The following TRPM3 variants were observed in gnomAD, a reference collection of about 807,000 sequenced individuals.
TRPM3 encodes transient receptor potential cation channel subfamily M member 3.
Under a neutral mutation model 181.2 loss-of-function variants are expected in TRPM3, and 77 were observed. The ratio of observed to expected loss-of-function variants is 0.42; its 90% CI spans 0.35 to 0.51. The LOEUF (loss-of-function observed/expected upper bound fraction) is 0.51. Ranked by LOEUF, TRPM3 falls within the 20% of genes least tolerant of loss-of-function variation. The pLI is 0.01. For synonymous variants in TRPM3, 745 were observed against 796.4 expected (o/e 0.94, Z 1.09); for missense variants, 1,759 against 2,196.7 (o/e 0.80, Z 3.98).
intron 6 of TRPM3, among the ~76,000 whole-genome samples, chr9:70,790,734 A>G (rs1260138695): frequency 6.6e-6 from 1 of 152,184 alleles, no homozygotes; most frequent in African/African-American, 2.4e-5. Flanking sequence ...ATTTATGAAA[A>G]CTACATAAAT....
intron 8 of TRPM3, among the ~76,000 whole-genome samples, chr9:70,742,919 A>G (rs1302517444): frequency 6.6e-6 from 1 of 152,188 alleles, no homozygotes; most frequent in Non-Finnish European, 1.5e-5. Context: ...ATTCTTGACC[A>G]CTATCTTTCC....
intron 11 of TRPM3, among the ~76,000 whole-genome samples, chr9:70,636,557 C>A (rs956158546): frequency 6.6e-6 from 1 of 152,176 alleles, no homozygotes; most frequent in Non-Finnish European, 1.5e-5. Flanking sequence ...CAATTTTAAT[C>A]TAAGTATGTC....
chr9:70,932,339 C>G (rs2096783954), intron 1 of TRPM3, among the ~76,000 whole-genome samples: 1 of 152,038 alleles, frequency 6.6e-6, no homozygotes, highest in African/African-American at 2.4e-5. Flanking sequence ...TGTCCACCTG[C>G]CTGTCTGCCT....
intron 9 of TRPM3, among the ~76,000 whole-genome samples, chr9:70,667,645 T>C (rs573813858): frequency 6.4e-4 from 97 of 152,336 alleles, no homozygotes; most frequent in Middle Eastern, 6.8e-3. Flanking sequence ...AAAAATACAA[T>C]AAATCTTTTA....
intron 1 of TRPM3, among the ~76,000 whole-genome samples, chr9:71,268,107 G>A (rs776674409): frequency 6.6e-6 from 1 of 152,192 alleles, no homozygotes; most frequent in African/African-American, 2.4e-5. Context: ...TGGGCTGGGT[G>A]TGGTGGCTCA....
At chr9:70,929,081 T>C (rs2096749265) in intron 1 of TRPM3, among the ~76,000 whole-genome samples, 1 of 152,208 alleles carries the variant, frequency 6.6e-6, no homozygotes, top group African/African-American at 2.4e-5. Context: ...ATTACCCTGG[T>C]TGTTCTAGCC....
At chr9:71,141,947 T>C (rs2075127312) in intron 1 of TRPM3, among the ~76,000 whole-genome samples, 1 of 152,192 alleles carries the variant, frequency 6.6e-6, no homozygotes, top group African/African-American at 2.4e-5. Flanking sequence ...GGCCATAATA[T>C]ATCCAAGTTT....
intron 1 of TRPM3, among the ~76,000 whole-genome samples, chr9:71,169,133 C>A (rs1034374285): frequency 6.6e-6 from 1 of 152,182 alleles, no homozygotes; most frequent in East Asian, 1.9e-4. Context: ...TAAGTTCCAG[C>A]TGATTCTTGC....
At chr9:70,966,770 A>G (rs1277273201) in intron 1 of TRPM3, among the ~76,000 whole-genome samples, 1 of 152,050 alleles carries the variant, frequency 6.6e-6, no homozygotes, top group African/African-American at 2.4e-5. Flanking sequence ...GGATCAGGAA[A>G]AATATCTTAT....
chr9:70,664,641 G>GT (rs71367210), intron 9 of TRPM3, among the ~76,000 whole-genome samples: 10,820 of 100,240 alleles, frequency 0.11, 1,369 homozygotes, highest in East Asian at 0.34. Context: ...TAGGAGAGTA[G>GT]TTTTTTTTTT....
intron 22 of TRPM3, among the ~76,000 whole-genome samples, chr9:70,575,913 T>A (rs546078223): frequency 6.6e-6 from 1 of 152,312 alleles, no homozygotes; most frequent in South Asian, 2.1e-4. Context: ...TAATGATGGC[T>A]TCCAAAAGCA....
chr9:71,349,330 A>G (rs1273443168), intron 1 of TRPM3, among the ~76,000 whole-genome samples: 1 of 152,228 alleles, frequency 6.6e-6, no homozygotes, highest in Non-Finnish European at 1.5e-5. Context: ...AAAGCTCAGT[A>G]GAAGAGAGGC....
chr9:71,249,832 A>G (rs1402047770), intron 1 of TRPM3, among the ~76,000 whole-genome samples: 1 of 152,216 alleles, frequency 6.6e-6, no homozygotes, highest in Non-Finnish European at 1.5e-5. Flanking sequence ...GAACACAAAA[A>G]GAATTAAGAT....
At chr9:70,893,862 C>G (rs1443891134) in intron 1 of TRPM3, among the ~76,000 whole-genome samples, 1 of 152,108 alleles carries the variant, frequency 6.6e-6, no homozygotes, top group Non-Finnish European at 1.5e-5. Flanking sequence ...CAAAAGAAGT[C>G]TTATGCAAAA....
chr9:70,542,485 A>C (rs2043705210), intron 25 of TRPM3, among the ~76,000 whole-genome samples: 1 of 152,208 alleles, frequency 6.6e-6, no homozygotes, highest in Admixed American at 6.5e-5. Flanking sequence ...TGGGTGACCC[A>C]TGAGAGAAGG....
chr9:70,988,997 G>A (rs2097449819), intron 1 of TRPM3, among the ~76,000 whole-genome samples: 1 of 152,136 alleles, frequency 6.6e-6, no homozygotes, highest in Non-Finnish European at 1.5e-5. Flanking sequence ...GCAACTGGCT[G>A]ACTTGATTTC....
chr9:71,048,776 C>T (rs1565072128), intron 1 of TRPM3, among the ~76,000 whole-genome samples: 1 of 152,110 alleles, frequency 6.6e-6, no homozygotes, highest in East Asian at 1.9e-4. Flanking sequence ...AAAGCAGTGT[C>T]CAATTTCTGA....
At chr9:71,283,442 A>T (rs964313581) in intron 1 of TRPM3, among the ~76,000 whole-genome samples, 3 of 150,744 alleles carry the variant, frequency 2.0e-5, no homozygotes, top group Non-Finnish European at 3.0e-5. Context: ...GACTACAGGC[A>T]CCCACCACCA....
At chr9:70,561,831 G>A (rs966421225) in intron 22 of TRPM3, among the ~76,000 whole-genome samples, 1 of 152,124 alleles carries the variant, frequency 6.6e-6, no homozygotes, top group Admixed American at 6.6e-5. Flanking sequence ...CACAAGCAGG[G>A]CATTAAATGG....
Sources: gnomAD v4.1 joint callset for allele counts (sites outside exome capture counted in the v4.1 genomes callset) on GRCh38, gnomAD v4.1.1 for gene constraint, MANE v1.5 for transcripts, NCBI Gene and HGNC (gene_info 2026-07-23, HGNC 2026-07-21) for gene names.